The following MGMT variants were observed in gnomAD, a reference collection of about 807,000 sequenced individuals.
MGMT encodes the protein methylated-DNA--protein-cysteine methyltransferase.
In MGMT, 14 loss-of-function variants were observed where a neutral mutation model predicts 15.9. That is an observed-to-expected ratio of 0.88 (90% CI 0.58 to 1.37). MGMT has a LOEUF of 1.37. MGMT is among the 40% of genes most tolerant of loss of function. The pLI is 0.00. For missense variants in MGMT, 282 were observed against 268.1 expected, an observed-to-expected ratio of 1.05 and a Z score of -0.36; for synonymous variants, 130 against 118.2, an observed-to-expected ratio of 1.10 and a Z score of -0.65.
At chr10:129,703,882 G>T (rs1848127519) in intron 2 of MGMT, among the ~76,000 whole-genome samples, 1 of 152,086 alleles carries the variant, frequency 6.6e-6, no homozygotes, top group Non-Finnish European at 1.5e-5. Flanking sequence ...TTGATCAGGG[G>T]TTTTGTTTCC....
chr10:129,540,967 T>A (rs1846036384), intron 2 of MGMT, among the ~76,000 whole-genome samples: 1 of 152,244 alleles, frequency 6.6e-6, no homozygotes, highest in South Asian at 2.1e-4. Context: ...TGGGGCAGCA[T>A]CCTGCTGGCT....
intron 2 of MGMT, among the ~76,000 whole-genome samples, chr10:129,666,433 TTC>T (rs1285896081): frequency 6.6e-6 from 1 of 152,214 alleles, no homozygotes; most frequent in African/African-American, 2.4e-5. Context: ...TATTCAGCAC[TTC>T]TTTTATGTCT....
At position 129,570,519 on chromosome 10, in the gene MGMT, T is replaced by C. The variant is rs1227444475; in HGVS notation, c.125+34142T>C. ...TCAAACCAAGTTATTTTGTGAAATA[T>C]TGTAGTGAACTTATCAAAACTGGTG... On this transcript the variant is annotated intron_variant, in intron 2 of 4. Coordinates refer to ENST00000651593, the MANE Select transcript of MGMT (RefSeq NM_002412.5). 2.0e-5 allele frequency among the ~76,000 whole-genome samples: 3 copies of C among 152,268 alleles called. No homozygotes were observed. In the South Asian group the frequency reaches 6.2e-4, roughly 31 times the overall value.
chr10:129,518,337 T>TACACACACACACACACAC (rs61316662), intron 1 of MGMT, among the ~76,000 whole-genome samples: 1,945 of 119,478 alleles, frequency 0.016, 41 homozygotes, highest in East Asian at 0.073. Flanking sequence ...TACACACACA[T>TACACACACACACACACAC]ACACACACAC....
intron 1 of MGMT, among the ~76,000 whole-genome samples, chr10:129,472,136 G>C (rs1427669615): frequency 6.6e-6 from 1 of 152,138 alleles, no homozygotes; most frequent in East Asian, 1.9e-4. Context: ...CCTGGTCTCA[G>C]GTGAGGGTGC....
chr10:129,509,612 T>A (rs572192788), intron 1 of MGMT, among the ~76,000 whole-genome samples: 1 of 152,370 alleles, frequency 6.6e-6, no homozygotes, highest in East Asian at 1.9e-4. Flanking sequence ...AAGAAAGACA[T>A]GCTGTGTTTA....
chr10:129,626,695 C>T (rs1847153960), intron 2 of MGMT, among the ~76,000 whole-genome samples: 1 of 152,222 alleles, frequency 6.6e-6, no homozygotes, highest in African/African-American at 2.4e-5. Flanking sequence ...GCTACACCAG[C>T]CTGACTTCCA....
At chr10:129,560,404 A>T (rs1846263180) in intron 2 of MGMT, among the ~76,000 whole-genome samples, 1 of 152,234 alleles carries the variant, frequency 6.6e-6, no homozygotes. Context: ...CCAGGCAGTA[A>T]TGCATTTCCA....
At position 129,756,562 on chromosome 10, in the gene MGMT, C is replaced by T. The variant is rs748887838; in HGVS notation, c.275-2640C>T. On this transcript the variant is annotated intron_variant, in intron 3 of 4. Coordinates refer to ENST00000651593, the MANE Select transcript of MGMT (RefSeq NM_002412.5). ...TCAGATCACTGCAACCTCTGCCTCC[C>T]GGGTTCAAGTGATTCTTCTGCCTCA... Among the ~76,000 whole-genome samples the T allele has an allele frequency of 5.3e-5, 8 of 152,166 alleles. No individual in the cohort carries two copies. The South Asian group carries it at 6.2e-4, about 12-fold the overall frequency.
chr10:129,661,905 C>G (rs1424217686), intron 2 of MGMT, among the ~76,000 whole-genome samples: 2 of 152,080 alleles, frequency 1.3e-5, no homozygotes, highest in Non-Finnish European at 2.9e-5. Flanking sequence ...TTTGCTACAC[C>G]CTTTCCATAG....
chr10:129,553,986 T>G (rs1482106513), intron 2 of MGMT, among the ~76,000 whole-genome samples: 1 of 152,240 alleles, frequency 6.6e-6, no homozygotes, highest in Non-Finnish European at 1.5e-5. Flanking sequence ...CTCCCCAGTC[T>G]GCGGACACAG....
At chr10:129,477,018 G>A (rs7918153) in intron 1 of MGMT, among the ~76,000 whole-genome samples, 18,875 of 152,070 alleles carry the variant, frequency 0.12, 3,374 homozygotes, top group African/African-American at 0.4. Context: ...CTGTGGGCTC[G>A]TGGGACCCCG....
At chr10:129,712,655 T>C (rs994211674) in intron 3 of MGMT, among the ~76,000 whole-genome samples, 3 of 152,150 alleles carry the variant, frequency 2.0e-5, no homozygotes, top group African/African-American at 7.2e-5. Context: ...TTGCTGGTGC[T>C]TCTAGTGAGG....
At chr10:129,748,368 T>C (rs1848717799) in intron 3 of MGMT, among the ~76,000 whole-genome samples, 1 of 152,212 alleles carries the variant, frequency 6.6e-6, no homozygotes, top group Admixed American at 6.5e-5. Context: ...TGTCCCTTTG[T>C]CGTACTCTCC....
chr10:129,680,622 C>T (rs1027474942), intron 2 of MGMT, among the ~76,000 whole-genome samples: 2 of 142,598 alleles, frequency 1.4e-5, no homozygotes, highest in Non-Finnish European at 3.2e-5. Context: ...GGAATTCTAC[C>T]GACTTTGGAG....
chr10:129,695,682 G>A (rs7073892), intron 2 of MGMT, among the ~76,000 whole-genome samples: 56,193 of 152,104 alleles, frequency 0.37, 11,394 homozygotes, highest in Non-Finnish European at 0.45. Flanking sequence ...GGTACCAAAA[G>A]TATTATTTCT....
intron 2 of MGMT, among the ~76,000 whole-genome samples, chr10:129,615,321 T>G (rs1283215555): frequency 6.6e-6 from 1 of 152,164 alleles, no homozygotes; most frequent in Non-Finnish European, 1.5e-5. Context: ...TGGTGAGGTG[T>G]GGGCTGCGCT....
At chr10:129,524,021 C>T (rs1845841698) in intron 1 of MGMT, among the ~76,000 whole-genome samples, 1 of 152,168 alleles carries the variant, frequency 6.6e-6, no homozygotes, top group Non-Finnish European at 1.5e-5. Flanking sequence ...CCATTGTGAC[C>T]TGTGTTGAAG....
chr10:129,598,492 C>T (rs1846779327), intron 2 of MGMT, among the ~76,000 whole-genome samples: 5 of 152,174 alleles, frequency 3.3e-5, no homozygotes, highest in Admixed American at 3.3e-4. Context: ...GGCCCACACT[C>T]CCCTGCAGTG....
Sources: gnomAD v4.1 joint callset for allele counts (sites outside exome capture counted in the v4.1 genomes callset) on GRCh38, gnomAD v4.1.1 for gene constraint, MANE v1.5 for transcripts, NCBI Gene and HGNC (gene_info 2026-07-23, HGNC 2026-07-21) for gene names.